The following B2M variants were observed in gnomAD, a reference collection of about 807,000 sequenced individuals.
The protein encoded by B2M is beta chain of MHC class I molecules.
A neutral mutation model predicts 14.5 loss-of-function variants in B2M; 3 were observed. The ratio of observed to expected loss-of-function variants is 0.21; its 90% CI spans 0.09 to 0.53. The LOEUF is 0.53. Ranked by LOEUF, B2M falls within the 20% of genes least tolerant of loss-of-function variation. The pLI is 0.95. For synonymous variants in B2M, 45 were observed against 52.7 expected, an observed-to-expected ratio of 0.85 and a Z score of 0.64; for missense variants, 107 against 140.8, an observed-to-expected ratio of 0.76 and a Z score of 1.21.
At position 44,716,293 on chromosome 15, in the gene B2M, T is replaced by C. The variant is rs767484741; in HGVS notation, c.347-36T>C. On this transcript the variant is annotated intron_variant, in intron 2 of 3. Coordinates refer to ENST00000648006, the MANE Select transcript of B2M (RefSeq NM_004048.4). The stretch of plus-strand genomic sequence containing the variant: ...ATGGTATTTTAAAAGTAAAACTTAA[T>C]GTCTTCCTTTTTTTTCTCCACTGTC... 3 of 1,600,574 alleles carry C rather than the reference T, an allele frequency of 1.9e-6. No individual in the cohort carries two copies. In the African/African-American group the frequency reaches 4.0e-5, roughly 21 times the overall value.
chr15:44,717,708 G>A lies in B2M; in HGVS notation c.*116G>A, dbSNP rs535307636. 3 of 152,256 alleles carry A rather than the reference G, an allele frequency of 2.0e-5. 1 individual carries two copies. The East Asian group carries it at 5.8e-4, about 29-fold the overall frequency. 9.4% of individuals were successfully genotyped at this position (152,256 alleles called of 1,614,324 possible). A position where few individuals can be genotyped will look rare whatever the true frequency, so the allele number is the denominator to read the frequency against. ...ACTTACACTTTATGCACAAAATGTA[G>A]GGTTATAATAATGTTAACATGGACA... On this transcript the variant is annotated 3_prime_UTR_variant, in exon 4 of 4. Coordinates refer to ENST00000648006, the MANE Select transcript of B2M (RefSeq NM_004048.4).
intron 3 of B2M, 151 bp downstream of exon 3, chr15:44,716,507 T>C: frequency 1.1e-6 from 1 of 870,710 alleles, no homozygotes; most frequent in South Asian, 1.5e-5. Context: ...TCATGTTCCC[T>C]TCTCCTGTGG....
rs2141289031 is a variant in B2M, at chr15:44,715,617, A to G, written c.262A>G (p.Thr88Ala). ...CTGGTCTTTCTATCTCTTGTACTAC[A>G]CTGAATTCACCCCCACTGAAAAAGA... ...KDWSFYLLYY[T>A]EFTPTEKDEY... is the part of the protein sequence containing the mutation. Residue 88 changes from threonine (T) to alanine (A), a missense_variant, in exon 2 of 4, where the codon ACT becomes GCT. By Grantham distance (58) the Thr-to-Ala change is moderately conservative. Coordinates refer to ENST00000648006, the MANE Select transcript of B2M (RefSeq NM_004048.4). 1.2e-6 allele frequency: 2 copies of G among 1,614,150 alleles called. No individual in the cohort carries two copies. Among genetic ancestry groups the G allele is most frequent in the Non-Finnish European group, 8.5e-7 (1 of 1,180,018 alleles).
intron 2 of B2M, chr15:44,715,967 C>T (rs952208975): frequency 1.1e-5 from 7 of 616,708 alleles, no homozygotes; most frequent in Non-Finnish European, 1.4e-5. Context: ...AGCACTTGCA[C>T]AAATACATAT....
chr15:44,712,464 A>G (rs1282860756), intron 1 of B2M, among the ~76,000 whole-genome samples: 1 of 152,192 alleles, frequency 6.6e-6, no homozygotes, highest in African/African-American at 2.4e-5. Context: ...TTAATTACAC[A>G]GGGGATAAAT....
At chr15:44,712,545 C>A (rs2086890466) in intron 1 of B2M, among the ~76,000 whole-genome samples, 1 of 152,166 alleles carries the variant, frequency 6.6e-6, no homozygotes, top group African/African-American at 2.4e-5. Flanking sequence ...GGCTGTAATT[C>A]GTGCATTTTT....
intron 1 of B2M, chr15:44,712,948 G>A (rs1901530): frequency 0.057 from 8,631 of 150,522 alleles, 378 homozygotes; most frequent in East Asian, 0.15. Context: ...CTATCATGGC[G>A]CCAGTGCACT....
At chr15:44,716,715 C>T (rs959248356) in intron 3 of B2M, 6 of 333,884 alleles carry the variant, frequency 1.8e-5, no homozygotes, top group African/African-American at 1.2e-4. Flanking sequence ...CACTCTTTTC[C>T]TTTGTATAAT....
intron 1 of B2M, chr15:44,714,922 G>C (rs1046403608): frequency 1.5e-5 from 3 of 200,392 alleles, no homozygotes; most frequent in Admixed American, 5.4e-5. Flanking sequence ...AAAAAGAAAG[G>C]CATAAACATA....
At chr15:44,716,419 C>G in intron 3 of B2M, 63 bp downstream of exon 3, 9 of 1,472,246 alleles carry the variant, frequency 6.1e-6, no homozygotes, top group Non-Finnish European at 8.6e-6. Flanking sequence ...TTATAGACAG[C>G]TCTAACATGA....
intron 1 of B2M, chr15:44,711,939 C>T: frequency 2.0e-6 from 1 of 499,438 alleles, no homozygotes; most frequent in Non-Finnish European, 3.7e-6. Context: ...GTTTCTCTTC[C>T]GCTCTTTCGC....
At position 44,711,561 on chromosome 15, in the gene B2M, G is replaced by A. The variant is rs1418047215; in HGVS notation, c.15G>A (p.Val5=). 2.5e-6 allele frequency: 4 copies of A among 1,613,922 alleles called. No homozygotes were observed. The East Asian group carries it at 8.9e-5, about 36-fold the overall frequency. ...TTCGGGCCGAGATGTCTCGCTCCGTGGCCTTAGCTGTGCTCGCGCTACTCT... is the reference window on the plus strand; with the variant it reads ...TTCGGGCCGAGATGTCTCGCTCCGTAGCCTTAGCTGTGCTCGCGCTACTCT... MSRS[V]ALAVLALLSL... is the part of the protein sequence containing the mutation. The change falls in exon 1 of 4, where the codon GTG becomes GTA. Residue 5 remains valine (V), a synonymous_variant. Transcript: ENST00000648006.
At chr15:44,712,638 G>A (rs2086892282) in intron 1 of B2M, 1 of 152,264 alleles carries the variant, frequency 6.6e-6, no homozygotes, top group South Asian at 2.1e-4. Flanking sequence ...TTCGTACAGA[G>A]GGCTTCCTCT....
At chr15:44,712,711 T>C (rs1369886352) in intron 1 of B2M, 8 of 152,240 alleles carry the variant, frequency 5.3e-5, no homozygotes, top group Admixed American at 5.2e-4. Flanking sequence ...TTTGAAAACA[T>C]GAGGGGGTTG....
intron 1 of B2M, chr15:44,711,888 T>G (rs940407624): frequency 1.0e-5 from 6 of 588,702 alleles, no homozygotes; most frequent in Non-Finnish European, 1.8e-5. Context: ...GGACAAAGTT[T>G]AGGGCGTCGA....
intron 1 of B2M, 117 bp downstream of exon 1, chr15:44,711,730 C>G (rs1276520672): frequency 1.6e-6 from 2 of 1,288,072 alleles, no homozygotes; most frequent in African/African-American, 1.5e-5. Context: ...CTTGGTGGCC[C>G]GCCGTGGGGC....
At chr15:44,713,755 A>C (rs1276822638) in intron 1 of B2M, 1 of 152,186 alleles carries the variant, frequency 6.6e-6, no homozygotes, top group African/African-American at 2.4e-5. Flanking sequence ...AGATGCAAAG[A>C]GCTCTCTTAG....
intron 1 of B2M, chr15:44,714,954 G>C: frequency 4.7e-6 from 1 of 211,840 alleles, no homozygotes; most frequent in Non-Finnish European, 9.7e-6. Context: ...GGAAGGGGTG[G>C]AAACAGAGTA....
intron 1 of B2M, chr15:44,713,571 T>G (rs1021070896): frequency 6.6e-6 from 1 of 152,216 alleles, no homozygotes; most frequent in Non-Finnish European, 1.5e-5. Context: ...AGCCAGTAAC[T>G]GGTTGAGCCC....
Sources: allele counts gnomAD v4.1 joint callset (sites outside exome capture counted in the v4.1 genomes callset), GRCh38; gene constraint gnomAD v4.1.1; transcripts MANE v1.5; gene names NCBI Gene and HGNC (gene_info 2026-07-23, HGNC 2026-07-21).